Variants in XKR5 observed in about 807,000 individuals in gnomAD.
XKR5 encodes the protein XK-related protein 5.
A neutral mutation model predicts 40.8 loss-of-function variants in XKR5; 46 were observed. That is an observed-to-expected ratio of 1.13 (90% CI 0.89 to 1.44). XKR5 has a LOEUF of 1.44. XKR5 is among the 40% of genes most tolerant of loss of function. XKR5 has a pLI of 0.00. For synonymous variants in XKR5, 466 were observed against 356.1 expected (o/e 1.31, Z -3.48); for missense variants, 1,169 against 844.7 (o/e 1.38, Z -4.76).
intron 1 of XKR5, 61 bp downstream of exon 1, chr8:6,835,375 C>G: frequency 7.4e-7 from 1 of 1,355,336 alleles, no homozygotes; most frequent in Non-Finnish European, 9.5e-7. Context: ...GTGCGGCTCC[C>G]GGCGCCGGGG....
chr8:6,823,569 G>A lies in XKR5; in HGVS notation c.589C>T (p.Leu197=), dbSNP rs1439215005. 3.1e-6 allele frequency: 5 copies of A among 1,596,902 alleles called. No individual in the cohort carries two copies. The highest frequency in any genetic ancestry group is 8.5e-7 in the Non-Finnish European group (1 of 1,171,824). ...TGGTAGGCTTTGTAGAACAGAACCA[G>A]ACTCAGCACGCGGGTTCCCAACATG... The part of the protein sequence containing the change: ...MGMLGTRVLS[L]VLFYKAYHFW... The change falls in exon 4 of 7, where the codon CTG becomes TTG. Residue 197 remains leucine (L), a synonymous_variant. Coordinates refer to ENST00000618742, the MANE Select transcript of XKR5 (RefSeq NM_207411.5).
chr8:6,830,357 T>C (rs1334704682), intron 2 of XKR5, among the ~76,000 whole-genome samples: 1 of 152,242 alleles, frequency 6.6e-6, no homozygotes, highest in East Asian at 1.9e-4. Flanking sequence ...CTCAGTGTTG[T>C]CTTTGAACCC....
In XKR5 at chr8:6,832,640, A is replaced by G. The variant is rs926529606; in HGVS notation, c.242+77T>C. On this transcript the variant is annotated intron_variant, in intron 2 of 6. Transcript: ENST00000618742. ...GAACTTTTATGAGCTTGAGGACAGAATCCACATGGAGAGAAGATTCCTCTC... is the reference window on the plus strand; with the variant it reads ...GAACTTTTATGAGCTTGAGGACAGAGTCCACATGGAGAGAAGATTCCTCTC... The G allele has an allele frequency of 2.0e-5, 31 of 1,566,090 alleles. No homozygotes were observed. In the African/African-American group the frequency reaches 3.6e-4, roughly 18 times the overall value.
intron 4 of XKR5, among the ~76,000 whole-genome samples, chr8:6,822,604 C>T (rs1262505851): frequency 2.0e-5 from 3 of 152,148 alleles, no homozygotes; most frequent in Admixed American, 2.0e-4. Flanking sequence ...TCAATGTTTG[C>T]TCTAGGCCCA....
chr8:6,814,586 G>A (rs187173703), intron 6 of XKR5, among the ~76,000 whole-genome samples: 14 of 152,268 alleles, frequency 9.2e-5, no homozygotes, highest in Non-Finnish European at 1.8e-4. Flanking sequence ...TTGTGCCACC[G>A]TTTTGCGAGA....
Position 6,811,471 on chromosome 8 carries a change from G to C in XKR5, c.1788C>G (p.Ala596=), listed in dbSNP as rs181968311. 1.0e-4 allele frequency: 158 copies of C among 1,530,544 alleles called. No homozygotes were observed. Among genetic ancestry groups the C allele is most frequent in the Non-Finnish European group, 1.3e-4 (147 of 1,142,990 alleles). The allele number at this position is 1,530,544 out of a possible 1,614,324, so 94.8% of individuals were successfully genotyped here. The change falls in exon 7 of 7, where the codon GCC becomes GCG. Residue 596 remains alanine (A), a synonymous_variant. Coordinates refer to ENST00000618742, the MANE Select transcript of XKR5 (RefSeq NM_207411.5). ...CTGTGCCTAGGATGGGGCTAATGTCGGCCATGGTGTCGGGGAAGGGCGCCA... is the reference window on the plus strand; with the variant it reads ...CTGTGCCTAGGATGGGGCTAATGTCCGCCATGGTGTCGGGGAAGGGCGCCA... The part of the protein sequence containing the change: ...VGLAPFPDTM[A]DISPILGTGP...
chr8:6,824,481 G>C (rs146833249), intron 3 of XKR5, among the ~76,000 whole-genome samples: 32 of 152,290 alleles, frequency 2.1e-4, no homozygotes, highest in African/African-American at 7.0e-4. Context: ...GTTGTTCTCA[G>C]TTTCCACATG....
At chr8:6,828,585 C>T (rs779919035) in intron 2 of XKR5, among the ~76,000 whole-genome samples, 2 of 152,152 alleles carry the variant, frequency 1.3e-5, no homozygotes, top group Non-Finnish European at 2.9e-5. Flanking sequence ...GGATGGAGAG[C>T]GTGGGGATTT....
intron 2 of XKR5, among the ~76,000 whole-genome samples, chr8:6,828,124 A>G (rs1453062065): frequency 2.0e-5 from 3 of 152,198 alleles, no homozygotes; most frequent in Non-Finnish European, 4.4e-5. Flanking sequence ...GAAACCTAAG[A>G]TTCAGTGTGG....
At position 6,832,874 on chromosome 8, in the gene XKR5, T is replaced by G. The variant is rs1423643477; in HGVS notation, c.85A>C (p.Thr29Pro). The G allele has an allele frequency of 1.9e-6, 3 of 1,603,704 alleles. No homozygotes were observed. In the South Asian group the frequency reaches 3.4e-5, roughly 18 times the overall value. Residue 29 changes from threonine (T) to proline (P), a missense_variant, in exon 2 of 7, where the codon ACC becomes CCC. Physicochemically the swap from Thr to Pro is conservative, Grantham distance 38 (BLOSUM62 -1). Coordinates refer to ENST00000618742, the MANE Select transcript of XKR5 (RefSeq NM_207411.5). Reference sequence around the variant, plus strand: ...CACCCCCACAGAAGCCGTCCTGTGGTGAAGTAGTAAGCCACGGTGTAAAGG... The same window carrying G: ...CACCCCCACAGAAGCCGTCCTGTGGGGAAGTAGTAAGCCACGGTGTAAAGG... ...ARLYTVAYYF[T>P]TGRLLWGWLA...
chr8:6,832,436 A>G (rs1247685779), intron 2 of XKR5, among the ~76,000 whole-genome samples: 1 of 152,192 alleles, frequency 6.6e-6, no homozygotes, highest in African/African-American at 2.4e-5. Flanking sequence ...CAACCAACAA[A>G]TCAAAACAGC....
chr8:6,833,140 C>T (rs918288557), intron 1 of XKR5, among the ~76,000 whole-genome samples: 1 of 152,218 alleles, frequency 6.6e-6, no homozygotes, highest in East Asian at 1.9e-4. Flanking sequence ...CCTCCCCTAC[C>T]TGGCCCATAC....
intron 5 of XKR5, among the ~76,000 whole-genome samples, chr8:6,818,761 C>A (rs1377568021): frequency 6.6e-6 from 1 of 152,224 alleles, no homozygotes; most frequent in African/African-American, 2.4e-5. Flanking sequence ...CACTGACAAC[C>A]AGCAGGGCTG....
intron 2 of XKR5, among the ~76,000 whole-genome samples, chr8:6,825,804 C>G (rs569939652): frequency 7.2e-5 from 11 of 152,176 alleles, no homozygotes; most frequent in Non-Finnish European, 1.5e-4. Context: ...TGTCTTCATC[C>G]TCACAGAATG....
intron 6 of XKR5, among the ~76,000 whole-genome samples, chr8:6,814,330 C>G (rs768074659): frequency 3.3e-5 from 5 of 152,148 alleles, no homozygotes; most frequent in Admixed American, 6.5e-5. Context: ...AGGAGCAACC[C>G]GGGAGGCTCT....
At chr8:6,831,879 G>A (rs1446660912) in intron 2 of XKR5, among the ~76,000 whole-genome samples, 1 of 152,010 alleles carries the variant, frequency 6.6e-6, no homozygotes, top group African/African-American at 2.4e-5. Flanking sequence ...GCCGGGCATG[G>A]TGGCACGTGC....
At position 6,835,523 on chromosome 8, in the gene XKR5, G is replaced by T. The variant is rs776584512; in HGVS notation, c.-30C>A. On this transcript the variant is annotated 5_prime_UTR_variant, in exon 1 of 7. Transcript: ENST00000618742. ...CGTGCCGACCCCGCAGCCTGCGCCCGCCCCTTCCCCTGCACGCGGCCCCGC... is the reference window on the plus strand; with the variant it reads ...CGTGCCGACCCCGCAGCCTGCGCCCTCCCCTTCCCCTGCACGCGGCCCCGC... 2 of 1,483,966 alleles carry T rather than the reference G, an allele frequency of 1.3e-6. No individual in the cohort carries two copies. The highest frequency in any genetic ancestry group is 1.8e-6 in the Non-Finnish European group (2 of 1,122,804). The allele number at this position is 1,483,966 out of a possible 1,614,324, so 91.9% of individuals were successfully genotyped here. A position where few individuals can be genotyped will look rare whatever the true frequency, so the allele number is the denominator to read the frequency against.
chr8:6,816,125 C>T (rs915450323), intron 5 of XKR5, among the ~76,000 whole-genome samples: 2 of 151,980 alleles, frequency 1.3e-5, no homozygotes, highest in African/African-American at 4.8e-5. Context: ...CTCAGGGTGG[C>T]TCATTAAAGT....
chr8:6,815,748 T>TAAA, intron 6 of XKR5, 59 bp downstream of exon 6: 4 of 1,073,962 alleles, frequency 3.7e-6, no homozygotes, highest in Non-Finnish European at 5.3e-6. Flanking sequence ...GAGCCCATTG[T>TAAA]AAAAAAAAAA....
Sources: allele counts gnomAD v4.1 joint callset (sites outside exome capture counted in the v4.1 genomes callset), GRCh38; gene constraint gnomAD v4.1.1; transcripts MANE v1.5; gene names NCBI Gene and HGNC (gene_info 2026-07-23, HGNC 2026-07-21).